The following HNF4G variants were observed in gnomAD, a reference collection of about 807,000 sequenced individuals.
HNF4G encodes the protein hepatocyte nuclear factor 4-gamma.
Under a neutral mutation model 50.9 loss-of-function variants are expected in HNF4G, and 21 were observed. That is an observed-to-expected ratio of 0.41 (90% CI 0.29 to 0.59). The LOEUF (loss-of-function observed/expected upper bound fraction) is 0.59, where lower values mean the gene tolerates loss of function less well. Among genes scored for constraint, HNF4G ranks in the 20% least tolerant of loss-of-function variants. The probability of loss-of-function intolerance (pLI) is 0.26; values close to 1 mark genes in which losing one functional copy is unlikely to be tolerated. For synonymous variants in HNF4G, 198 were observed against 185.6 expected, an observed-to-expected ratio of 1.07 and a Z score of -0.54; for missense variants, 527 against 559.4, an observed-to-expected ratio of 0.94 and a Z score of 0.58.
At chr8:75,513,366 CAGATT>C (rs1305893725) in intron 2 of HNF4G, among the ~76,000 whole-genome samples, 13 of 152,238 alleles carry the variant, frequency 8.5e-5, no homozygotes, top group Admixed American at 2.0e-4. Flanking sequence ...TGACTTTATT[CAGATT>C]TTCTATTTCT....
chr8:75,457,891 T>C (rs557505005), intron 1 of HNF4G, among the ~76,000 whole-genome samples: 1 of 151,958 alleles, frequency 6.6e-6, no homozygotes, highest in African/African-American at 2.4e-5. Context: ...TTGTGAGGAG[T>C]GAGATGATGG....
upstream of HNF4G, among the ~76,000 whole-genome samples, chr8:75,537,226 A>T (rs562507186): frequency 1.5e-3 from 165 of 110,722 alleles, no homozygotes; most frequent in African/African-American, 7.2e-3. Context: ...GAGCATTAAA[A>T]GGCTTTTATT....
At chr8:75,549,924 A>G (rs1294632242) in intron 3 of HNF4G, among the ~76,000 whole-genome samples, 2 of 152,084 alleles carry the variant, frequency 1.3e-5, no homozygotes, top group African/African-American at 4.8e-5. Flanking sequence ...CCATGTCCCT[A>G]CAAAGGACAT....
intron 1 of HNF4G, among the ~76,000 whole-genome samples, chr8:75,422,771 G>A (rs570339519): frequency 6.6e-6 from 1 of 151,888 alleles, no homozygotes; most frequent in Non-Finnish European, 1.5e-5. Context: ...GTAGCTGGGA[G>A]TACAGGCGCC....
rs746570679 is a variant in HNF4G at position 75,551,438 on chromosome 8, G to A, written c.433G>A (p.Gly145Ser). 1.9e-6 allele frequency: 3 copies of A among 1,613,404 alleles called. No homozygotes were observed. In the African/African-American group the frequency reaches 4.0e-5, roughly 22 times the overall value. Residue 145 changes from glycine (G) to serine (S), a missense_variant, in exon 4 of 10, where the codon GGC becomes AGC. Physicochemically the swap from Gly to Ser is moderately conservative, Grantham distance 56. Transcript: ENST00000396423. ...RISTRRSTFDGSNIPSINTLA... is the reference protein window; with the variant it reads ...RISTRRSTFDSSNIPSINTLA... Reference sequence around the variant, plus strand: ...AAGCACCAGAAGAAGCACATTTGATGGCAGCAACATCCCCTCCATTAACAC... The same window carrying A: ...AAGCACCAGAAGAAGCACATTTGATAGCAGCAACATCCCCTCCATTAACAC...
chr8:75,443,104 C>A (rs1811326099), intron 1 of HNF4G, among the ~76,000 whole-genome samples: 1 of 152,124 alleles, frequency 6.6e-6, no homozygotes, highest in Non-Finnish European at 1.5e-5. Flanking sequence ...AACAGAGGCC[C>A]TAGAAATCTA....
intron 2 of HNF4G, among the ~76,000 whole-genome samples, chr8:75,498,396 G>A (rs978402260): frequency 3.9e-5 from 6 of 152,064 alleles, no homozygotes; most frequent in African/African-American, 1.4e-4. Flanking sequence ...TAATATGTAA[G>A]ATAATTAAAT....
chr8:75,527,172 A>G (rs1376947093), intron 2 of HNF4G: 1 of 152,148 alleles, frequency 6.6e-6, no homozygotes, highest in Non-Finnish European at 1.5e-5. Flanking sequence ...ATATTGTTGA[A>G]CTACTATCTA....
At chr8:75,423,289 T>C (rs189230483) in intron 1 of HNF4G, among the ~76,000 whole-genome samples, 8 of 152,110 alleles carry the variant, frequency 5.3e-5, no homozygotes, top group Admixed American at 4.6e-4. Flanking sequence ...ACATTTTACA[T>C]TAGTTAGCTC....
At chr8:75,490,119 A>G (rs1812589773) in exon 2 of HNF4G, 1 of 152,628 alleles carries the variant, frequency 6.6e-6, no homozygotes, top group Non-Finnish European at 1.5e-5. Context: ...AGTCTGAGAT[A>G]TTGACACTAC....
chr8:75,418,660 C>T (rs897131545), intron 1 of HNF4G, among the ~76,000 whole-genome samples: 2 of 151,076 alleles, frequency 1.3e-5, no homozygotes, highest in African/African-American at 4.9e-5. Flanking sequence ...TATCCGGAGT[C>T]ACTGAATATA....
chr8:75,413,806 G>A (rs192600004), intron 1 of HNF4G, among the ~76,000 whole-genome samples: 189 of 152,030 alleles, frequency 1.2e-3, no homozygotes, highest in Admixed American at 6.6e-3. Context: ...GCAGTGAGCC[G>A]AGATTCTAGC....
chr8:75,485,911 G>C (rs1003617495), intron 1 of HNF4G: 2 of 152,176 alleles, frequency 1.3e-5, no homozygotes, highest in African/African-American at 4.8e-5. Flanking sequence ...TGTATTTTGA[G>C]ATACAGCATT....
chr8:75,520,199 T>G (rs772766745), intron 2 of HNF4G, among the ~76,000 whole-genome samples: 2 of 152,130 alleles, frequency 1.3e-5, no homozygotes, highest in Non-Finnish European at 2.9e-5. Flanking sequence ...CTCAACCATA[T>G]AATTGTTTGT....
At chr8:75,426,691 A>G (rs1273995038) in intron 1 of HNF4G, among the ~76,000 whole-genome samples, 1 of 151,030 alleles carries the variant, frequency 6.6e-6, no homozygotes, top group African/African-American at 2.4e-5. Flanking sequence ...GTTTAGTGAA[A>G]AGAGAAGGTG....
chr8:75,488,406 C>T (rs1240120757), intron 1 of HNF4G, among the ~76,000 whole-genome samples: 8 of 151,706 alleles, frequency 5.3e-5, no homozygotes, highest in African/African-American at 1.7e-4. Context: ...CCTGAGTTGC[C>T]GGGACTACAG....
intron 1 of HNF4G, among the ~76,000 whole-genome samples, chr8:75,439,271 A>G (rs1463196183): frequency 3.9e-5 from 6 of 152,058 alleles, no homozygotes; most frequent in Non-Finnish European, 7.4e-5. Flanking sequence ...ATAATTATTT[A>G]GTATTTTCAA....
chr8:75,551,339 C>A, intron 3 of HNF4G, 49 bp from the exon 4 acceptor site: 4 of 1,047,490 alleles, frequency 3.8e-6, no homozygotes, highest in Non-Finnish European at 5.9e-6. Context: ...TATATTCTAA[C>A]ATACACTAAA....
intron 2 of HNF4G, among the ~76,000 whole-genome samples, chr8:75,524,094 G>A (rs774396584): frequency 4.6e-5 from 7 of 151,892 alleles, no homozygotes; most frequent in Admixed American, 2.6e-4. Context: ...AACTATACAC[G>A]CCTATGTATC....
Sources: gnomAD v4.1 joint callset for allele counts (sites outside exome capture counted in the v4.1 genomes callset) on GRCh38, gnomAD v4.1.1 for gene constraint, MANE v1.5 for transcripts, NCBI Gene and HGNC (gene_info 2026-07-23, HGNC 2026-07-21) for gene names.